The following ELAVL2 variants were observed in gnomAD, a reference collection of about 807,000 sequenced individuals.
ELAVL2 encodes ELAV-like protein 2.
ELAVL2 carries 4 observed loss-of-function variants against 34.6 expected under a neutral mutation model. The observed-to-expected ratio is 0.12, with a 90% CI of 0.06 to 0.26. ELAVL2 has a LOEUF of 0.26. Ranked by LOEUF, ELAVL2 falls within the 10% of genes least tolerant of loss-of-function variation. The probability of loss-of-function intolerance (pLI) is 1.00; values close to 1 mark genes in which losing one functional copy is unlikely to be tolerated. For synonymous variants in ELAVL2, 193 were observed against 154.8 expected (o/e 1.25, Z -1.83); for missense variants, 432 against 442.8 (o/e 0.98, Z 0.22).
upstream of ELAVL2, among the ~76,000 whole-genome samples, chr9:23,828,442 C>G (rs528874254): frequency 6.6e-6 from 1 of 152,174 alleles, no homozygotes; most frequent in South Asian, 2.1e-4. Context: ...CAAAAAAAGA[C>G]TTGTAGATAA....
intron 2 of ELAVL2, among the ~76,000 whole-genome samples, chr9:23,740,028 G>GA (rs764971876): frequency 3.3e-5 from 5 of 151,748 alleles, no homozygotes; most frequent in Non-Finnish European, 7.4e-5. Context: ...AAGTCCATGT[G>GA]AAACAAAAAT....
chr9:23,702,351 G>T (rs1410840), intron 4 of ELAVL2, among the ~76,000 whole-genome samples: 36,909 of 151,982 alleles, frequency 0.24, 5,329 homozygotes, highest in African/African-American at 0.4. Context: ...CCTGACTACA[G>T]AAGATCACTC....
chr9:23,758,925 G>T (rs750075112), intron 2 of ELAVL2, among the ~76,000 whole-genome samples: 2 of 151,968 alleles, frequency 1.3e-5, no homozygotes, highest in Non-Finnish European at 2.9e-5. Flanking sequence ...CCAAATGAAG[G>T]TTGAAAAACA....
At chr9:23,757,167 A>G (rs1317250814) in intron 2 of ELAVL2, among the ~76,000 whole-genome samples, 1 of 152,126 alleles carries the variant, frequency 6.6e-6, no homozygotes, top group Non-Finnish European at 1.5e-5. Context: ...GTTCTTGTTC[A>G]TTTGGTGTAT....
intron 2 of ELAVL2, among the ~76,000 whole-genome samples, chr9:23,739,805 C>G (rs868214841): frequency 4.6e-5 from 7 of 151,768 alleles, no homozygotes; most frequent in Non-Finnish European, 8.8e-5. Flanking sequence ...ACGCACACAC[C>G]CCCCCCACTA....
chr9:23,838,256 G>A, the ELAVL2 span, among the ~76,000 whole-genome samples: 1,511 of 151,480 alleles, frequency 1.0e-2, 25 homozygotes, highest in African/African-American at 0.035. Flanking sequence ...TTTTGAGCAC[G>A]CATTCTTTTT....
chr9:23,831,210 G>A (rs995627509), upstream of ELAVL2, among the ~76,000 whole-genome samples: 2 of 152,114 alleles, frequency 1.3e-5, no homozygotes, highest in Admixed American at 6.6e-5. Context: ...TGCGATGCAC[G>A]TCTAATTTGA....
rs114917547 is a variant in ELAVL2, at chr9:23,751,895, C to T, written c.229+10111G>A. Among the ~76,000 whole-genome samples the T allele has an allele frequency of 9.0e-3, 1,367 of 152,236 alleles. 16 individuals are homozygous for T. Among genetic ancestry groups the T allele is most frequent in the African/African-American group, 0.03 (1,255 of 41,534 alleles). ...TAAAGGCTGGTGTAATATCATTAATCATCATTCTGGGCTCCCAAGTCCTGC... is the reference window on the plus strand; with the variant it reads ...TAAAGGCTGGTGTAATATCATTAATTATCATTCTGGGCTCCCAAGTCCTGC... On this transcript the variant is annotated intron_variant, in intron 2 of 6. Transcript: ENST00000397312.
chr9:23,839,943 T>C, the ELAVL2 span, among the ~76,000 whole-genome samples: 4,760 of 152,136 alleles, frequency 0.031, 257 homozygotes, highest in East Asian at 0.13. Flanking sequence ...AGCAGCAAAA[T>C]TGAAGCTTCT....
At chr9:23,835,095 G>A in the ELAVL2 span, among the ~76,000 whole-genome samples, 1 of 151,972 alleles carries the variant, frequency 6.6e-6, no homozygotes, top group African/African-American at 2.4e-5. Context: ...TCTGCAATCT[G>A]TTACTCTCTC....
chr9:23,739,982 C>G (rs566553961), intron 2 of ELAVL2, among the ~76,000 whole-genome samples: 2 of 152,036 alleles, frequency 1.3e-5, no homozygotes, highest in Non-Finnish European at 2.9e-5. Context: ...TTGTCAAGAA[C>G]GGGAAACTAT....
At chr9:23,804,857 G>A (rs909288259) in intron 1 of ELAVL2, among the ~76,000 whole-genome samples, 7 of 151,076 alleles carry the variant, frequency 4.6e-5, no homozygotes, top group Non-Finnish European at 7.3e-5. Flanking sequence ...ATACATCTTA[G>A]CATCAGTTCT....
At chr9:23,713,704 C>A (rs1309291463) in intron 3 of ELAVL2, among the ~76,000 whole-genome samples, 1 of 152,134 alleles carries the variant, frequency 6.6e-6, no homozygotes, top group African/African-American at 2.4e-5. Context: ...GCAACTGAGG[C>A]AAGCACGTGT....
intron 3 of ELAVL2, among the ~76,000 whole-genome samples, chr9:23,706,290 G>A (rs778551419): frequency 2.0e-5 from 3 of 152,194 alleles, no homozygotes; most frequent in Admixed American, 6.5e-5. Flanking sequence ...CTCTGTGAGG[G>A]AAGAAACCAC....
At chr9:23,739,389 T>C (rs1037134046) in intron 2 of ELAVL2, among the ~76,000 whole-genome samples, 10 of 152,284 alleles carry the variant, frequency 6.6e-5, no homozygotes, top group East Asian at 1.9e-4. Flanking sequence ...TACCTTCAGA[T>C]AGCCTGAAAG....
At chr9:23,718,686 G>C (rs1005191915) in intron 3 of ELAVL2, among the ~76,000 whole-genome samples, 3 of 152,190 alleles carry the variant, frequency 2.0e-5, no homozygotes, top group African/African-American at 7.2e-5. Flanking sequence ...CATAAGTTAT[G>C]CAACTATGAA....
chr9:23,703,692 A>G (rs965078584), intron 4 of ELAVL2, among the ~76,000 whole-genome samples: 1 of 152,212 alleles, frequency 6.6e-6, no homozygotes, highest in African/African-American at 2.4e-5. Flanking sequence ...CACTGCTTTA[A>G]AAGAATTAGA....
At chr9:23,753,438 A>C (rs1266471584) in intron 2 of ELAVL2, among the ~76,000 whole-genome samples, 1 of 152,194 alleles carries the variant, frequency 6.6e-6, no homozygotes, top group East Asian at 1.9e-4. Flanking sequence ...AAAAAAAATA[A>C]AAGGCTGGTG....
rs775787571 is a variant in ELAVL2 at position 23,704,946 on chromosome 9, A to G, written c.459T>C (p.Thr153=). The G allele has an allele frequency of 2.3e-5, 37 of 1,614,024 alleles. No individual in the cohort carries two copies. The highest frequency in any genetic ancestry group is 8.3e-5 in the Admixed American group (5 of 60,006). ...QLFSQYGRII[T]SRILVDQVTG... The stretch of plus-strand genomic sequence containing the variant: ...TGACCTGGTCGACAAGAATACGAGA[A>G]GTAATAATGCGTCCATATTGTGAAA... The change falls in exon 4 of 7, where the codon ACT becomes ACC. Residue 153 remains threonine (T), a synonymous_variant. Coordinates refer to ENST00000397312, the MANE Select transcript of ELAVL2 (RefSeq NM_004432.5).
Sources: gnomAD v4.1 joint callset for allele counts (sites outside exome capture counted in the v4.1 genomes callset) on GRCh38, gnomAD v4.1.1 for gene constraint, MANE v1.5 for transcripts, NCBI Gene and HGNC (gene_info 2026-07-23, HGNC 2026-07-21) for gene names.